The following DNAH3 variants were observed in gnomAD, a reference collection of about 807,000 sequenced individuals.
DNAH3 encodes dynein axonemal heavy chain 3.
In DNAH3, 332 loss-of-function variants were observed where a neutral mutation model predicts 432.5. The observed-to-expected ratio is 0.77, with a 90% CI of 0.70 to 0.84. The LOEUF (loss-of-function observed/expected upper bound fraction) is 0.84. Among genes scored for constraint, DNAH3 ranks in the 40% least tolerant of loss-of-function variants. The pLI, the probability that DNAH3 is intolerant of heterozygous loss-of-function variation, is 0.00. For synonymous variants in DNAH3, 1,956 were observed against 1,900.2 expected (o/e 1.03, Z -0.76); for missense variants, 4,861 against 5,114.0 (o/e 0.95, Z 1.51).
intron 12 of DNAH3, 130 bp downstream of exon 12, chr16:21,117,073 A>G: frequency 3.2e-6 from 2 of 623,034 alleles, no homozygotes; most frequent in Non-Finnish European, 5.7e-6. Flanking sequence ...ATACTCATGT[A>G]AGTATTGGCT....
intron 58 of DNAH3, among the ~76,000 whole-genome samples, chr16:20,943,317 A>G (rs1031518443): frequency 6.6e-6 from 1 of 151,972 alleles, no homozygotes; most frequent in Admixed American, 6.6e-5. Flanking sequence ...GGCTCAAGCA[A>G]TCCACCCACC....
rs1413157410 is a variant in DNAH3 at position 21,019,880 on chromosome 16, G to A, written c.5777-11C>T. 1.2e-6 allele frequency: 2 copies of A among 1,613,442 alleles called. No homozygotes were observed. Among genetic ancestry groups the A allele is most frequent in the Non-Finnish European group, 1.7e-6 (2 of 1,179,578 alleles). ...CTGCCCTGATTTCATCTAAAAGTGA[G>A]AAAAGCGAATCTCAGGACAGAGTGC... is the stretch of plus-strand genomic sequence containing the variant. On this transcript the variant is annotated splice_polypyrimidine_tract_variant and intron_variant, in intron 40 of 61. Coordinates refer to ENST00000261383, the Ensembl canonical transcript of DNAH3.
chr16:20,971,662 T>C (rs2085348242), intron 51 of DNAH3, among the ~76,000 whole-genome samples: 2 of 152,170 alleles, frequency 1.3e-5, no homozygotes, highest in Non-Finnish European at 2.9e-5. Flanking sequence ...TGGGGCGTCC[T>C]GGGTCACCGC....
chr16:21,066,822 T>C (rs964693212), intron 24 of DNAH3, among the ~76,000 whole-genome samples: 1 of 152,136 alleles, frequency 6.6e-6, no homozygotes, highest in Admixed American at 6.6e-5. Flanking sequence ...ATAGGCTAGG[T>C]GCTAAATGTT....
intron 1 of DNAH3, among the ~76,000 whole-genome samples, chr16:21,156,228 T>C (rs994301898): frequency 2.5e-4 from 37 of 150,398 alleles, no homozygotes; most frequent in Admixed American, 2.7e-4. Context: ...TATTTTATTA[T>C]TTTATTTTAT....
chr16:20,990,001 C>G lies in DNAH3; in HGVS notation c.6602-1936G>C, dbSNP rs537710456. Reference sequence around the variant, plus strand: ...TGGCCTGCAAGCGCCGCGCGCAGCCCCGGTTCCCACTCGCGCCTCTCCCTC... The same window carrying G: ...TGGCCTGCAAGCGCCGCGCGCAGCCGCGGTTCCCACTCGCGCCTCTCCCTC... On this transcript the variant is annotated intron_variant, in intron 44 of 61. Transcript: ENST00000261383. 3.9e-5 allele frequency among the ~76,000 whole-genome samples: 6 copies of G among 152,348 alleles called. No individual in the cohort carries two copies. In the South Asian group the frequency reaches 1.2e-3, roughly 32 times the overall value.
intron 41 of DNAH3, among the ~76,000 whole-genome samples, chr16:21,004,407 T>TA (rs1386024106): frequency 3.9e-5 from 6 of 152,056 alleles, no homozygotes; most frequent in Non-Finnish European, 8.8e-5. Context: ...CTCACTCTGT[T>TA]GCCAGGCTGG....
At chr16:20,975,318 G>A (rs200636427) in exon 51 of DNAH3, 110 of 1,613,858 alleles carry the variant, frequency 6.8e-5, no homozygotes, top group Middle Eastern at 6.6e-4. Context: ...AGCTTCTCTC[G>A]TCTCCGCTTC....
intron 60 of DNAH3, among the ~76,000 whole-genome samples, chr16:20,935,830 T>G (rs2083567998): frequency 1.5e-5 from 2 of 136,438 alleles, no homozygotes; most frequent in Admixed American, 7.7e-5. Flanking sequence ...GTGACAAGAG[T>G]GAAACTTCAT....
In DNAH3 at chr16:20,980,807, G is replaced by A. The variant is rs139173416; in HGVS notation, c.7860-1261C>T. On this transcript the variant is annotated intron_variant, in intron 49 of 61. Transcript: ENST00000261383. ...TTTGTAATATAGTAATATACATGCT[G>A]CTTTACTGAGGCATTAAATCAGGGA... 8.5e-4 allele frequency among the ~76,000 whole-genome samples: 130 copies of A among 152,242 alleles called. 1 individual carries two copies. The highest frequency in any genetic ancestry group is 3.0e-3 in the African/African-American group (124 of 41,532).
intron 48 of DNAH3, among the ~76,000 whole-genome samples, chr16:20,984,020 C>T (rs1433036570): frequency 9.1e-5 from 11 of 121,026 alleles, no homozygotes; most frequent in Non-Finnish European, 9.7e-5. Context: ...GAGCAAGACC[C>T]TATATCCAGA....
chr16:21,060,240 ATG>A, intron 26 of DNAH3, 22 bp downstream of exon 26: 1 of 1,585,378 alleles, frequency 6.3e-7, no homozygotes, highest in Non-Finnish European at 8.7e-7. Flanking sequence ...GTGTCCTGGC[ATG>A]TGTACCCCGG....
chr16:21,118,876 C>A (rs2092270645), intron 11 of DNAH3, among the ~76,000 whole-genome samples: 1 of 152,190 alleles, frequency 6.6e-6, no homozygotes, highest in Admixed American at 6.5e-5. Context: ...GCCTGGGACC[C>A]ATTGTCTTCC....
Position 21,086,920 on chromosome 16 carries a change from TATCG to T in DNAH3, c.2802_2805del (p.Asp935SerfsTer17). ...AGGATGGGAATGTACTGCTTGAACT[TATCG>T]ATCTTGATCTTCACATTCTCTGCTA... On this transcript the variant is annotated frameshift_variant, in exon 19 of 62. Coordinates refer to ENST00000261383, the Ensembl canonical transcript of DNAH3. LOFTEE classifies it high-confidence loss of function. The T allele has an allele frequency of 1.2e-6, 2 of 1,614,174 alleles. No individual in the cohort carries two copies. The highest frequency in any genetic ancestry group is 8.5e-7 in the Non-Finnish European group (1 of 1,180,008).
intron 36 of DNAH3, 77 bp downstream of exon 36, chr16:21,033,897 C>T: frequency 1.0e-6 from 1 of 977,052 alleles, no homozygotes; most frequent in Non-Finnish European, 1.6e-6. Context: ...GACTAGCAGC[C>T]TGGCATTATC....
chr16:21,097,428 C>T (rs1013737834), exon 18 of DNAH3: 3 of 1,613,840 alleles, frequency 1.9e-6, no homozygotes, highest in Non-Finnish European at 2.5e-6. Context: ...GTACTTTGTT[C>T]TTCAGCATGG....
chr16:21,060,684 C>T (rs9925511), intron 25 of DNAH3, among the ~76,000 whole-genome samples: 117 of 151,256 alleles, frequency 7.7e-4, no homozygotes, highest in African/African-American at 2.7e-3. Flanking sequence ...ACCACCACCG[C>T]GGCTGATGAA....
chr16:21,038,920 C>T (rs1332099731), intron 33 of DNAH3, among the ~76,000 whole-genome samples: 1 of 152,088 alleles, frequency 6.6e-6, no homozygotes, highest in African/African-American at 2.4e-5. Context: ...ACAAAGACAT[C>T]CAGGCCATAA....
chr16:21,010,734 G>C (rs2152701779), intron 41 of DNAH3, among the ~76,000 whole-genome samples: 1 of 152,062 alleles, frequency 6.6e-6, no homozygotes, highest in South Asian at 2.1e-4. Flanking sequence ...GGCTAGAAAG[G>C]CATTTTAAGC....
Sources: gnomAD v4.1 joint callset for allele counts (sites outside exome capture counted in the v4.1 genomes callset) on GRCh38, gnomAD v4.1.1 for gene constraint, MANE v1.5 for transcripts, NCBI Gene and HGNC (gene_info 2026-07-23, HGNC 2026-07-21) for gene names.